FGF12: variants seen among roughly 807,000 people sequenced by gnomAD.
The protein encoded by FGF12 is fibroblast growth factor 12B.
FGF12 carries 14 observed loss-of-function variants against 23.6 expected under a neutral mutation model. That is an observed-to-expected ratio of 0.59 (90% CI 0.39 to 0.93). The LOEUF (loss-of-function observed/expected upper bound fraction) is 0.93, where lower values mean the gene tolerates loss of function less well. Ranked by LOEUF, FGF12 falls within the 40% of genes least tolerant of loss-of-function variation. The pLI is 0.00. For synonymous variants in FGF12, 62 were observed against 77.3 expected, an observed-to-expected ratio of 0.80 and a Z score of 1.04; for missense variants, 175 against 217.8, an observed-to-expected ratio of 0.80 and a Z score of 1.24.
intron 4 of FGF12, among the ~76,000 whole-genome samples, chr3:192,181,970 G>GA (rs978612655): frequency 4.0e-5 from 6 of 150,094 alleles, no homozygotes; most frequent in East Asian, 3.9e-4. Flanking sequence ...ATATCTCAAT[G>GA]AAAAAAAAGA....
At chr3:192,343,039 A>G (rs1339623440) in intron 3 of FGF12, among the ~76,000 whole-genome samples, 1 of 152,052 alleles carries the variant, frequency 6.6e-6, no homozygotes, top group Non-Finnish European at 1.5e-5. Context: ...AAGGAGAAAA[A>G]AAAGCTCATT....
intron 4 of FGF12, among the ~76,000 whole-genome samples, chr3:192,192,702 G>T (rs371734928): frequency 1.3e-5 from 2 of 151,884 alleles, no homozygotes; most frequent in East Asian, 1.9e-4. Flanking sequence ...CAAAGAAATA[G>T]GTCCTGAGTG....
rs574900002 is a variant in FGF12 at position 192,236,250 on chromosome 3, A to G, written c.229-65594T>C. ...GCTTGTATGATGTCATTTTTTTTTG[A>G]ATTTATAGAGAATTGCTATATGGCC... On this transcript the variant is annotated intron_variant, in intron 4 of 5. Transcript: ENST00000445105. Among the ~76,000 whole-genome samples the G allele has an allele frequency of 6.7e-3, 1,010 of 151,300 alleles. 4 individuals carry two copies. Among genetic ancestry groups the G allele is most frequent in the African/African-American group, 0.023 (967 of 41,218 alleles).
At chr3:192,658,762 A>C (rs1198007506) in intron 2 of FGF12, among the ~76,000 whole-genome samples, 1 of 141,270 alleles carries the variant, frequency 7.1e-6, no homozygotes, top group Non-Finnish European at 1.5e-5. Context: ...GCTACATATC[A>C]AAATAGTTAT....
intron 2 of FGF12, among the ~76,000 whole-genome samples, chr3:192,676,911 T>C (rs1428979118): frequency 2.0e-5 from 3 of 152,204 alleles, no homozygotes; most frequent in South Asian, 2.1e-4. Flanking sequence ...GCCTCCAGAA[T>C]GGGGAGAAAA....
chr3:192,722,560 A>G (rs760078259), intron 2 of FGF12, among the ~76,000 whole-genome samples: 1 of 152,170 alleles, frequency 6.6e-6, no homozygotes, highest in Non-Finnish European at 1.5e-5. Flanking sequence ...GAGTGGGTCA[A>G]ATTACTCCCT....
intron 2 of FGF12, among the ~76,000 whole-genome samples, chr3:192,364,195 C>G (rs1439263560): frequency 6.6e-6 from 1 of 152,170 alleles, no homozygotes; most frequent in Non-Finnish European, 1.5e-5. Context: ...TTCTCAAATG[C>G]AGACATACAA....
intron 4 of FGF12, among the ~76,000 whole-genome samples, chr3:192,306,117 T>A (rs1330817311): frequency 6.6e-6 from 1 of 151,978 alleles, no homozygotes; most frequent in African/African-American, 2.4e-5. Context: ...GTCTCTAAGG[T>A]TTTTATGTGG....
chr3:192,276,715 A>C (rs569335767), intron 4 of FGF12, among the ~76,000 whole-genome samples: 287 of 152,144 alleles, frequency 1.9e-3, no homozygotes, highest in Non-Finnish European at 3.4e-3. Context: ...CCAGCCAAAA[A>C]CCTTAACATA....
At position 192,411,319 on chromosome 3, in the gene FGF12, G is replaced by A. The variant is rs540089557; in HGVS notation, c.14-50781C>T. ...GGCAAAGCAGAGGCTGGCAGATAGA[G>A]GCTCATGGGACAAACAGCTGGGAGG... is the stretch of plus-strand genomic sequence containing the variant. On this transcript the variant is annotated intron_variant, in intron 2 of 5. Coordinates refer to ENST00000445105, the MANE Select transcript of FGF12 (RefSeq NM_004113.6). 9.4e-4 allele frequency among the ~76,000 whole-genome samples: 143 copies of A among 152,342 alleles called. 2 individuals are homozygous for A. In the South Asian group the frequency reaches 0.028, roughly 30 times the overall value.
intron 2 of FGF12, among the ~76,000 whole-genome samples, chr3:192,389,700 C>A (rs774332071): frequency 1.3e-5 from 2 of 151,836 alleles, no homozygotes; most frequent in Non-Finnish European, 2.9e-5. Context: ...AGTATTAGAC[C>A]CACTTTTCAA....
At chr3:192,477,334 A>C (rs9828196) in intron 2 of FGF12, among the ~76,000 whole-genome samples, 15,216 of 152,102 alleles carry the variant, frequency 0.1, 2,467 homozygotes, top group African/African-American at 0.34. Context: ...CATAGGGGAG[A>C]CCCCCAGGAA....
chr3:192,674,111 A>AT (rs1312035846), intron 2 of FGF12, among the ~76,000 whole-genome samples: 1 of 150,918 alleles, frequency 6.6e-6, no homozygotes, highest in Non-Finnish European at 1.5e-5. Context: ...CATACTCAGG[A>AT]TTTTTTTGTG....
rs150180075 is a variant in FGF12, at chr3:192,317,879, C to CAG, written c.228+17480_228+17481dup. Among the ~76,000 whole-genome samples the CAG allele has an allele frequency of 2.6e-3, 391 of 150,324 alleles. 1 individual carries two copies. The highest frequency in any genetic ancestry group is 8.0e-3 in the African/African-American group (330 of 41,214). On this transcript the variant is annotated intron_variant, in intron 4 of 5. Transcript: ENST00000445105. ...ACCTCCAGCTCCAGGCAGCTTAGCA[C>CAG]AGAGAGAGAGAGAGAGACTGCATTT...
intron 2 of FGF12, among the ~76,000 whole-genome samples, chr3:192,706,193 CAA>C (rs1718462490): frequency 6.6e-6 from 1 of 151,992 alleles, no homozygotes; most frequent in Non-Finnish European, 1.5e-5. Context: ...ATTATATATT[CAA>C]AATATGTATA....
chr3:192,589,481 G>A (rs1376054568), intron 2 of FGF12, among the ~76,000 whole-genome samples: 1 of 151,888 alleles, frequency 6.6e-6, no homozygotes, highest in African/African-American at 2.4e-5. Context: ...TTTTGGAATG[G>A]AAAAGAAAGT....
intron 2 of FGF12, among the ~76,000 whole-genome samples, chr3:192,471,054 T>C (rs560234890): frequency 6.6e-6 from 1 of 152,322 alleles, no homozygotes; most frequent in Non-Finnish European, 1.5e-5. Flanking sequence ...GTATTTTACT[T>C]TACATGATGA....
chr3:192,144,169 T>C (rs766633512), intron 5 of FGF12, 42 bp from the exon 6 acceptor site: 2 of 1,157,216 alleles, frequency 1.7e-6, no homozygotes, highest in Non-Finnish European at 2.6e-6. Flanking sequence ...ACAGTGGACA[T>C]AAATTTCCTT....
chr3:192,496,198 C>T (rs775721913), intron 2 of FGF12, among the ~76,000 whole-genome samples: 3 of 152,006 alleles, frequency 2.0e-5, no homozygotes, highest in Non-Finnish European at 4.4e-5. Context: ...CTTTCCACCC[C>T]AAGCTAATGG....
Sources: gnomAD v4.1 joint callset for allele counts (sites outside exome capture counted in the v4.1 genomes callset) on GRCh38, gnomAD v4.1.1 for gene constraint, MANE v1.5 for transcripts, NCBI Gene and HGNC (gene_info 2026-07-23, HGNC 2026-07-21) for gene names.